The following NCKAP5L variants were observed in gnomAD, a reference collection of about 807,000 sequenced individuals.
The protein encoded by NCKAP5L is nck-associated protein 5-like.
In NCKAP5L, 54 loss-of-function variants were observed where a neutral mutation model predicts 103.2. The observed-to-expected ratio is 0.52, with a 90% CI of 0.42 to 0.66. The LOEUF is 0.66. Ranked by LOEUF, NCKAP5L falls within the 30% of genes least tolerant of loss-of-function variation. The pLI, the probability that NCKAP5L is intolerant of heterozygous loss-of-function variation, is 0.00. For synonymous variants in NCKAP5L, 762 were observed against 748.6 expected (o/e 1.02, Z -0.29); for missense variants, 1,733 against 1,750.6 (o/e 0.99, Z 0.18).
Position 49,826,302 on chromosome 12 carries a change from G to T in NCKAP5L, c.-99+2020C>A, listed in dbSNP as rs146815082. Among the ~76,000 whole-genome samples, 1,406 of 152,084 alleles carry T rather than the reference G, an allele frequency of 9.2e-3. 14 individuals carry two copies. Among genetic ancestry groups the T allele is most frequent in the South Asian group, 0.027 (132 of 4,814 alleles). ...TGTCTCCTGGGAATCTGCTTACCCT[G>T]CTGGCCCTTGGCTGCCTCCTCCTCT... On this transcript the variant is annotated intron_variant, in intron 1 of 12. Coordinates refer to ENST00000335999, the MANE Select transcript of NCKAP5L (RefSeq NM_001037806.4).
At chr12:49,821,271 C>T (rs570353229) in intron 1 of NCKAP5L, among the ~76,000 whole-genome samples, 25 of 152,290 alleles carry the variant, frequency 1.6e-4, no homozygotes, top group Non-Finnish European at 3.2e-4. Context: ...CCCCCAACTT[C>T]CCCTCAGCCT....
chr12:49,819,714 G>A (rs1297857206), intron 1 of NCKAP5L, among the ~76,000 whole-genome samples: 1 of 152,208 alleles, frequency 6.6e-6, no homozygotes, highest in East Asian at 1.9e-4. Context: ...AAAGAAAACA[G>A]ACATGTGGAT....
At position 49,792,741 on chromosome 12, in the gene NCKAP5L, G is replaced by C. The variant is rs1212925807; in HGVS notation, c.3586C>G (p.Pro1196Ala). The C allele has an allele frequency of 6.2e-7, 1 of 1,609,554 alleles. No homozygotes were observed. Among genetic ancestry groups the C allele is most frequent in the South Asian group, 1.1e-5 (1 of 90,572 alleles). ...LLVSGRHPSM[P>A]AFPALLPAAP... ...GCGGGTAGCAGTGCAGGGAAGGCTG[G>C]CATGCTGGGGTGCCGCCCACTCACC... is the stretch of plus-strand genomic sequence containing the variant. The change falls in exon 11 of 13, where the codon CCA becomes GCA. Residue 1196 changes from proline to alanine, a missense_variant. Pro to Ala is a conservative substitution (Grantham distance 27). Transcript: ENST00000335999. The surrounding 1 kb of genome is among the most constrained non-coding windows in gnomAD (Gnocchi z 4.5).
rs766197272 is a variant in NCKAP5L at position 49,795,187 on chromosome 12, A to C, written c.2673T>G (p.Ile891Met). The C allele has an allele frequency of 6.3e-7, 1 of 1,594,332 alleles. No individual in the cohort carries two copies. Among genetic ancestry groups the C allele is most frequent in the South Asian group, 1.1e-5 (1 of 89,182 alleles). Reference protein sequence around the residue: ...SAIEEKVMKGIEENVLRLQGQ... With the variant: ...SAIEEKVMKGMEENVLRLQGQ... ...CCTGGAGCCGCAGCACGTTCTCCTC[A>C]ATGCCCTTCATCACCTTCTCCTCGA... The change falls in exon 8 of 13, where the codon ATT (isoleucine) becomes ATG (methionine). Residue 891 changes from isoleucine (I) to methionine (M), a missense_variant. Transcript: ENST00000335999.
Position 49,796,368 on chromosome 12 carries a change from A to C in NCKAP5L, c.1492T>G (p.Ser498Ala). The change falls in exon 8 of 13, where the codon TCC becomes GCC. Residue 498 changes from serine to alanine, a missense_variant. Ser to Ala is a moderately conservative substitution (Grantham distance 99). Coordinates refer to ENST00000335999, the MANE Select transcript of NCKAP5L (RefSeq NM_001037806.4). ...CRNSGSDGSP[S>A]PLLARRGLGG... ...AGACCCCTTCGGGCCAACAGTGGGG[A>C]GGGGCTGCCGTCTGAGCCACTGTTC... is the stretch of plus-strand genomic sequence containing the variant. 1 of 1,576,774 alleles carries C rather than the reference A, an allele frequency of 6.3e-7. No homozygotes were observed. The highest frequency in any genetic ancestry group is 8.6e-7 in the Non-Finnish European group (1 of 1,161,604).
chr12:49,826,916 T>C (rs962762998), intron 1 of NCKAP5L, among the ~76,000 whole-genome samples: 4 of 152,118 alleles, frequency 2.6e-5, no homozygotes, highest in Admixed American at 6.5e-5. Flanking sequence ...CAAAGCCACC[T>C]CATGCACAGA....
intron 1 of NCKAP5L, among the ~76,000 whole-genome samples, chr12:49,816,323 G>A (rs141834657): frequency 3.9e-4 from 60 of 152,112 alleles, no homozygotes; most frequent in African/African-American, 1.1e-3. Flanking sequence ...TCAGAAAGAA[G>A]GTTAGAAAGA....
In NCKAP5L at chr12:49,796,277, G is replaced by A. The variant is rs373947260; in HGVS notation, c.1583C>T (p.Thr528Ile). The A allele has an allele frequency of 6.4e-7, 1 of 1,551,576 alleles. No individual in the cohort carries two copies. The highest frequency in any genetic ancestry group is 8.7e-7 in the Non-Finnish European group (1 of 1,148,060). Reference sequence around the variant, plus strand: ...TCTGAGCTGTGTGGAGTCTGGGGTTGTGTAGCAGGGTGAAGGGCTGGTGGG... The same window carrying A: ...TCTGAGCTGTGTGGAGTCTGGGGTTATGTAGCAGGGTGAAGGGCTGGTGGG... ...GLPTSPSPCY[T>I]TPDSTQLRPP... Residue 528 changes from threonine to isoleucine, a missense_variant, in exon 8 of 13, where the codon ACA becomes ATA. Thr to Ile is a moderately conservative substitution (Grantham distance 89). Transcript: ENST00000335999.
At chr12:49,821,845 A>T (rs1003024961) in intron 1 of NCKAP5L, among the ~76,000 whole-genome samples, 2 of 152,186 alleles carry the variant, frequency 1.3e-5, no homozygotes, top group Non-Finnish European at 2.9e-5. Context: ...GTTTGACCTG[A>T]ATCCTGGCAT....
intron 6 of NCKAP5L, 33 bp downstream of exon 6, chr12:49,801,815 T>G: frequency 6.2e-7 from 1 of 1,611,876 alleles, no homozygotes; most frequent in Non-Finnish European, 8.5e-7. Flanking sequence ...CAGGAGGCAG[T>G]GCGATGGGAG....
chr12:49,791,966 G>T lies in NCKAP5L; in HGVS notation c.3878C>A (p.Thr1293Asn). The change falls in exon 13 of 13, where the codon ACC (threonine) becomes AAC (asparagine). Residue 1293 changes from threonine to asparagine, a missense_variant. Thr to Asn is a moderately conservative substitution (Grantham distance 65). Transcript: ENST00000335999. ...PQGPPFGGSR[T>N]PSTSDMAEEG... ...CTCGGCCATGTCCGAAGTGCTGGGG[G>T]TGCGGCTACCCCCGAAAGGTGGGCC... 6.2e-7 allele frequency: 1 copy of T among 1,610,848 alleles called. No homozygotes were observed. The highest frequency in any genetic ancestry group is 1.1e-5 in the South Asian group (1 of 90,756).
At chr12:49,800,914 C>G (rs977122725) in intron 6 of NCKAP5L, among the ~76,000 whole-genome samples, 1 of 152,224 alleles carries the variant, frequency 6.6e-6, no homozygotes, top group Non-Finnish European at 1.5e-5. Flanking sequence ...GGTTGGGCCT[C>G]CGGGGATTCC....
At chr12:49,802,040 G>A in intron 5 of NCKAP5L, 73 bp from the exon 6 acceptor site, 1 of 1,573,888 alleles carries the variant, frequency 6.4e-7, no homozygotes, top group Non-Finnish European at 8.6e-7. Context: ...CTCTTCATCA[G>A]AGCAGCGGCA....
Position 49,816,495 on chromosome 12 carries a change from C to CAAA in NCKAP5L, c.-98-10457_-98-10455dup, listed in dbSNP as rs1163941989. On this transcript the variant is annotated intron_variant, in intron 1 of 12. Transcript: ENST00000335999. ...ACCCTTTCAAAGTTCTCAACCCTCT[C>CAAA]AAAAAAAAAAAAAAAAAAAAAAGGC... Among the ~76,000 whole-genome samples, 335 of 49,342 alleles carry CAAA rather than the reference C, an allele frequency of 6.8e-3. 25 individuals carry two copies. Among genetic ancestry groups the CAAA allele is most frequent in the African/African-American group, 0.021 (274 of 13,014 alleles). 32.4% of individuals were successfully genotyped at this position (49,342 alleles called of 152,430 possible).
intron 6 of NCKAP5L, among the ~76,000 whole-genome samples, chr12:49,801,349 T>G (rs1442739444): frequency 1.3e-5 from 2 of 152,036 alleles, no homozygotes; most frequent in Non-Finnish European, 2.9e-5. Flanking sequence ...ACACCTTAAC[T>G]CAGCCCAGGA....
At chr12:49,804,853 G>A (rs1946162033) in intron 2 of NCKAP5L, 1 of 152,290 alleles carries the variant, frequency 6.6e-6, no homozygotes, top group South Asian at 2.1e-4. Flanking sequence ...GAATACAGTT[G>A]AGCCTGGGGC....
intron 10 of NCKAP5L, 135 bp from the exon 11 acceptor site, chr12:49,793,121 C>G: frequency 1.2e-6 from 1 of 827,078 alleles, no homozygotes; most frequent in Non-Finnish European, 1.8e-6. Context: ...TTCCACAGCA[C>G]CTGTCCACCA....
intron 1 of NCKAP5L, among the ~76,000 whole-genome samples, chr12:49,822,428 G>T (rs1010102283): frequency 5.3e-5 from 8 of 151,986 alleles, no homozygotes; most frequent in African/African-American, 1.9e-4. Flanking sequence ...TGTATTTTGG[G>T]TAAGAATGAA....
Position 49,800,156 on chromosome 12 carries a change from T to C in NCKAP5L, c.351+1692A>G, listed in dbSNP as rs1166994647. ...GTTGCGGTGAGCCGAGATCGCGCCA[T>C]TGCACTCCAGCCTGGGCAACAAGAG... is the stretch of plus-strand genomic sequence containing the variant. On this transcript the variant is annotated intron_variant, in intron 6 of 12. Coordinates refer to ENST00000335999, the MANE Select transcript of NCKAP5L (RefSeq NM_001037806.4). Among the ~76,000 whole-genome samples, 14 of 152,300 alleles carry C rather than the reference T, an allele frequency of 9.2e-5. No homozygotes were observed. The East Asian group carries it at 9.6e-4, about 10-fold the overall frequency.
Sources: allele counts gnomAD v4.1 joint callset (sites outside exome capture counted in the v4.1 genomes callset), GRCh38; gene constraint gnomAD v4.1.1; non-coding constraint Gnocchi (gnomAD v3.1); transcripts MANE v1.5; gene names NCBI Gene and HGNC (gene_info 2026-07-23, HGNC 2026-07-21).